Variants in RFX3 observed in about 807,000 individuals in gnomAD.
RFX3 encodes the protein regulatory factor X3.
A neutral mutation model predicts 98.6 loss-of-function variants in RFX3; 14 were observed. The ratio of observed to expected loss-of-function variants is 0.14; its 90% CI spans 0.09 to 0.22. The LOEUF is 0.22. Among genes scored for constraint, RFX3 ranks in the 10% least tolerant of loss-of-function variants. The probability of loss-of-function intolerance (pLI) is 1.00; values close to 1 mark genes in which losing one functional copy is unlikely to be tolerated. For missense variants in RFX3, 639 were observed against 926.9 expected (o/e 0.69, Z 4.03); for synonymous variants, 383 against 328.4 (o/e 1.17, Z -1.80).
intron 2 of RFX3, among the ~76,000 whole-genome samples, chr9:3,384,092 T>C (rs1839463841): frequency 6.6e-6 from 1 of 152,124 alleles, no homozygotes; most frequent in East Asian, 1.9e-4. Flanking sequence ...CTGTGTTCCA[T>C]AAATCCCTAG....
intron 1 of RFX3, among the ~76,000 whole-genome samples, chr9:3,453,928 A>G (rs1846911969): frequency 6.6e-6 from 1 of 152,164 alleles, no homozygotes; most frequent in Non-Finnish European, 1.5e-5. Flanking sequence ...GTAAAAAAAG[A>G]TATGTCCACA....
intron 8 of RFX3, among the ~76,000 whole-genome samples, chr9:3,276,719 T>A (rs1201431472): frequency 6.6e-6 from 1 of 152,004 alleles, no homozygotes; most frequent in Non-Finnish European, 1.5e-5. Flanking sequence ...CTTCTACTTA[T>A]CTTGACCTGT....
intron 1 of RFX3, among the ~76,000 whole-genome samples, chr9:3,463,989 G>C (rs1181919871): frequency 6.6e-6 from 1 of 151,892 alleles, no homozygotes; most frequent in Non-Finnish European, 1.5e-5. Context: ...AAATGGTTTG[G>C]ACACTTTACA....
intron 1 of RFX3, among the ~76,000 whole-genome samples, chr9:3,407,191 T>G (rs1047923402): frequency 5.9e-5 from 9 of 152,186 alleles, no homozygotes; most frequent in Non-Finnish European, 1.0e-4. Context: ...TTGAAATTTA[T>G]TTGAGCTTGG....
chr9:3,413,708 T>C (rs1187968319), intron 1 of RFX3, among the ~76,000 whole-genome samples: 1 of 152,140 alleles, frequency 6.6e-6, no homozygotes, highest in East Asian at 1.9e-4. Context: ...TAACACCTTT[T>C]GAGTAGAGAC....
At chr9:3,523,092 T>C (rs1818880450) in intron 1 of RFX3, among the ~76,000 whole-genome samples, 1 of 152,202 alleles carries the variant, frequency 6.6e-6, no homozygotes, top group Admixed American at 6.5e-5. Context: ...GTATGATGCC[T>C]ACACCATTTA....
chr9:3,405,482 T>C (rs1841871594), intron 1 of RFX3, among the ~76,000 whole-genome samples: 2 of 152,216 alleles, frequency 1.3e-5, no homozygotes, highest in Non-Finnish European at 2.9e-5. Context: ...AAATTCAATT[T>C]AGATTTTCAT....
intron 1 of RFX3, among the ~76,000 whole-genome samples, chr9:3,494,001 C>A (rs1850935737): frequency 6.6e-6 from 1 of 151,984 alleles, no homozygotes; most frequent in African/African-American, 2.4e-5. Context: ...CTTTTTCTTT[C>A]CATTTTTCTA....
intron 1 of RFX3, among the ~76,000 whole-genome samples, chr9:3,523,296 C>T (rs1818904075): frequency 6.6e-6 from 1 of 152,238 alleles, no homozygotes; most frequent in South Asian, 2.1e-4. Flanking sequence ...CAATACATAA[C>T]ATAGTCCCTT....
At chr9:3,393,383 A>T (rs1840522672) in intron 2 of RFX3, among the ~76,000 whole-genome samples, 1 of 152,166 alleles carries the variant, frequency 6.6e-6, no homozygotes, top group South Asian at 2.1e-4. Flanking sequence ...AATTCAATAA[A>T]AAGAAAACTT....
intron 3 of RFX3, among the ~76,000 whole-genome samples, chr9:3,332,863 A>G (rs1832752987): frequency 6.6e-6 from 1 of 151,504 alleles, no homozygotes; most frequent in Admixed American, 6.6e-5. Flanking sequence ...ATTTTATTCC[A>G]CCTCCCTGCC....
chr9:3,400,926 T>C (rs567985406), intron 1 of RFX3, among the ~76,000 whole-genome samples: 1 of 152,356 alleles, frequency 6.6e-6, no homozygotes, highest in South Asian at 2.1e-4. Flanking sequence ...TCACTTGATG[T>C]CTGTCTGACT....
chr9:3,406,925 G>T (rs935704921), intron 1 of RFX3, among the ~76,000 whole-genome samples: 1 of 152,024 alleles, frequency 6.6e-6, no homozygotes, highest in African/African-American at 2.4e-5. Context: ...TCAAATGAAC[G>T]AATCAAGTCT....
chr9:3,425,605 C>T (rs1843942568), intron 1 of RFX3, among the ~76,000 whole-genome samples: 1 of 152,182 alleles, frequency 6.6e-6, no homozygotes, highest in Admixed American at 6.5e-5. Flanking sequence ...GATATTTCAG[C>T]TGTTTAATGT....
intron 1 of RFX3, among the ~76,000 whole-genome samples, chr9:3,466,400 G>C (rs1027218251): frequency 6.6e-6 from 1 of 151,908 alleles, no homozygotes; most frequent in Admixed American, 6.6e-5. Context: ...ATTATTAAAA[G>C]AAAAAAATGT....
intron 1 of RFX3, among the ~76,000 whole-genome samples, chr9:3,420,362 T>C (rs1390422925): frequency 6.6e-6 from 1 of 152,234 alleles, no homozygotes; most frequent in Non-Finnish European, 1.5e-5. Flanking sequence ...ATAAGAAAGC[T>C]ACAGTAGTTG....
At chr9:3,234,786 C>A (rs1321342165) in intron 15 of RFX3, among the ~76,000 whole-genome samples, 4 of 152,192 alleles carry the variant, frequency 2.6e-5, no homozygotes, top group Non-Finnish European at 4.4e-5. Context: ...TTGTAAGACC[C>A]TGGAAGACCT....
intron 2 of RFX3, among the ~76,000 whole-genome samples, chr9:3,369,995 A>ATTTTTTT (rs71324244): frequency 1.2e-4 from 16 of 132,614 alleles, no homozygotes; most frequent in African/African-American, 4.7e-4. Flanking sequence ...CGCCCGGCTA[A>ATTTTTTT]TTTTTTTTTT....
At chr9:3,456,826 C>T (rs1564124539) in intron 1 of RFX3, among the ~76,000 whole-genome samples, 1 of 151,994 alleles carries the variant, frequency 6.6e-6, no homozygotes, top group East Asian at 1.9e-4. Context: ...CAAGTCCTCA[C>T]AAGTCATCTG....
Sources: gnomAD v4.1 joint callset for allele counts (sites outside exome capture counted in the v4.1 genomes callset) on GRCh38, gnomAD v4.1.1 for gene constraint, MANE v1.5 for transcripts, NCBI Gene and HGNC (gene_info 2026-07-23, HGNC 2026-07-21) for gene names.